The following PHF3 variants were observed in gnomAD, a reference collection of about 807,000 sequenced individuals.
The protein encoded by PHF3 is PHD finger protein 3.
Under a neutral mutation model 178.4 loss-of-function variants are expected in PHF3, and 41 were observed. The ratio of observed to expected loss-of-function variants is 0.23; its 90% CI spans 0.18 to 0.30. PHF3 has a LOEUF of 0.30. PHF3 is among the 10% of genes least tolerant of loss of function. The pLI is 1.00. For synonymous variants in PHF3, 842 were observed against 800.5 expected, an observed-to-expected ratio of 1.05 and a Z score of -0.88; for missense variants, 2,346 against 2,398.1, an observed-to-expected ratio of 0.98 and a Z score of 0.45.
intron 1 of PHF3, among the ~76,000 whole-genome samples, chr6:63,637,589 C>T (rs1764397311): frequency 6.6e-6 from 1 of 152,096 alleles, no homozygotes; most frequent in Non-Finnish European, 1.5e-5. Flanking sequence ...TAATTTTTCT[C>T]TTCATTCATC....
intron 2 of PHF3, among the ~76,000 whole-genome samples, chr6:63,651,803 G>C (rs1249229484): frequency 6.6e-6 from 1 of 152,116 alleles, no homozygotes; most frequent in Non-Finnish European, 1.5e-5. Flanking sequence ...AGAGCATGCG[G>C]TATTTATATT....
At chr6:63,643,634 A>C (rs2149536845) in intron 1 of PHF3, among the ~76,000 whole-genome samples, 1 of 152,306 alleles carries the variant, frequency 6.6e-6, no homozygotes, top group East Asian at 1.9e-4. Flanking sequence ...TTGATGAATA[A>C]ATAAACGGTA....
intron 1 of PHF3, among the ~76,000 whole-genome samples, chr6:63,640,316 A>G (rs1250649662): frequency 2.0e-5 from 3 of 152,178 alleles, no homozygotes; most frequent in African/African-American, 7.2e-5. Flanking sequence ...GTGTTGTTAT[A>G]TCATAGTAGT....
intron 5 of PHF3, among the ~76,000 whole-genome samples, chr6:63,692,521 A>G (rs1197723585): frequency 1.3e-5 from 2 of 152,220 alleles, no homozygotes; most frequent in East Asian, 1.9e-4. Flanking sequence ...ATTTTATCTG[A>G]TTAAATTTTC....
chr6:63,722,734 C>T lies in PHF3; in HGVS notation c.*9026C>T, dbSNP rs1768452646. Among the ~76,000 whole-genome samples the T allele has an allele frequency of 6.6e-6, 1 of 152,176 alleles. No individual in the cohort carries two copies. Among genetic ancestry groups the T allele is most frequent in the African/African-American group, 2.4e-5 (1 of 41,446 alleles). ...GCATTATGCTACACTACTTCTTCCT[C>T]CCTCCAGAGTGCCTATTTCCACACC... On this transcript the variant is annotated 3_prime_UTR_variant, in exon 16 of 16. Transcript: ENST00000262043.
At chr6:63,636,260 C>G (rs1486005180) in intron 1 of PHF3, 110 bp downstream of exon 1, 4 of 279,830 alleles carry the variant, frequency 1.4e-5, no homozygotes, top group African/African-American at 8.7e-5. Flanking sequence ...CCGCGGCGGA[C>G]TCTCCGCGCT....
In PHF3 at chr6:63,684,286, A is replaced by G; in HGVS notation, c.564A>G (p.Ser188=). ...AGGTTAAAGAAGAAGTATGTATGTC[A>G]CTGAAACCTGAGTACCATAAGGAGA... is the stretch of plus-strand genomic sequence containing the variant. ...RSQVKEEVCM[S]LKPEYHKENR... Residue 188 remains serine (S), a synonymous_variant, in exon 4 of 16, where the codon TCA becomes TCG. Coordinates refer to ENST00000262043, the MANE Select transcript of PHF3 (RefSeq NM_001370348.2). 3 of 1,614,036 alleles carry G rather than the reference A, an allele frequency of 1.9e-6. No individual in the cohort carries two copies. The highest frequency in any genetic ancestry group is 2.5e-6 in the Non-Finnish European group (3 of 1,179,902).
Position 63,635,999 on chromosome 6 carries a change from G to C in PHF3, c.-177G>C. The C allele has an allele frequency of 2.5e-6, 1 of 397,872 alleles. No individual in the cohort carries two copies. The highest frequency in any genetic ancestry group is 4.4e-6 in the Non-Finnish European group (1 of 225,552). The allele number at this position is 397,872 out of a possible 1,614,324, so 24.6% of individuals were successfully genotyped here. ...CGTCAGCAGCAGCCATTTGGTCCCA[G>C]GAGGAAAAGAGGCTGTGGCAGCGAC... On this transcript the variant is annotated 5_prime_UTR_variant, in exon 1 of 16. Coordinates refer to ENST00000262043, the MANE Select transcript of PHF3 (RefSeq NM_001370348.2).
Position 63,721,941 on chromosome 6 carries a change from C to T in PHF3, c.*8233C>T. On this transcript the variant is annotated 3_prime_UTR_variant, in exon 16 of 16. Transcript: ENST00000262043. ...GAGCACAATTGTGTTAGTTTTGTTT[C>T]CACTCACAGAGCAAAATGCATATAT... 1 of 738,064 alleles carries T rather than the reference C, an allele frequency of 1.4e-6. No individual in the cohort carries two copies. The highest frequency in any genetic ancestry group is 2.7e-5 in the East Asian group (1 of 37,080). 45.7% of individuals were successfully genotyped at this position (738,064 alleles called of 1,614,324 possible).
chr6:63,654,918 G>T (rs1765169864), intron 2 of PHF3, among the ~76,000 whole-genome samples: 1 of 146,108 alleles, frequency 6.8e-6, no homozygotes, highest in Non-Finnish European at 1.5e-5. Flanking sequence ...TTCGAGATGG[G>T]GCTCTCACTG....
In PHF3 at chr6:63,706,082, G is replaced by T. The variant is rs757700906; in HGVS notation, c.3421G>T (p.Val1141Leu). ...TTCTCCAAAAAAAGTAAAAGTTGTT[G>T]TAGGAGTAGCTCGCAAACATTCAGA... Reference protein sequence around the residue: ...DLSPKKVKVVVGVARKHSDNE... With the variant: ...DLSPKKVKVVLGVARKHSDNE... Residue 1141 changes from valine (V) to leucine (L), a missense_variant, in exon 12 of 16, where the codon GTA becomes TTA. Physicochemically the swap from Val to Leu is conservative, Grantham distance 32 (BLOSUM62 1). Around this residue, in one of 8 missense-constraint regions of PHF3, gnomAD observed 205 missense variants for 212.4 expected, o/e 0.97. Transcript: ENST00000262043. 8.7e-6 allele frequency: 14 copies of T among 1,613,704 alleles called. No individual in the cohort carries two copies. Among genetic ancestry groups the T allele is most frequent in the Non-Finnish European group, 1.1e-5 (13 of 1,179,906 alleles).
intron 7 of PHF3, 34 bp downstream of exon 7, chr6:63,698,401 A>C (rs1436926344): frequency 1.9e-6 from 3 of 1,587,818 alleles, no homozygotes; most frequent in South Asian, 2.3e-5. Flanking sequence ...AGTATCAATA[A>C]TTATGCTTTA....
intron 2 of PHF3, among the ~76,000 whole-genome samples, chr6:63,651,506 G>A (rs1765018771): frequency 6.6e-6 from 1 of 151,860 alleles, no homozygotes; most frequent in African/African-American, 2.4e-5. Context: ...GGATTACAGG[G>A]GCCTGCCACC....
rs753791596 is a variant in PHF3 at position 63,680,080 on chromosome 6, T to A, written c.325T>A (p.Leu109Ile). 3.7e-6 allele frequency: 6 copies of A among 1,612,900 alleles called. No individual in the cohort carries two copies. Among genetic ancestry groups the A allele is most frequent in the African/African-American group, 1.3e-5 (1 of 74,866 alleles). ...NDTIDEEELI[L>I]PNRNLRDKVE... ...TACCATTGATGAAGAAGAACTGATT[T>A]TACCTAACAGGAACTTAAGGGACAA... Residue 109 changes from leucine (L) to isoleucine (I), a missense_variant, in exon 3 of 16, where the codon TTA becomes ATA. Physicochemically the swap from Leu to Ile is conservative, Grantham distance 5 (BLOSUM62 2). Around this residue, in one of 8 missense-constraint regions of PHF3, gnomAD observed 843 missense variants for 795.2 expected, o/e 1.06. Coordinates refer to ENST00000262043, the MANE Select transcript of PHF3 (RefSeq NM_001370348.2).
At chr6:63,683,323 G>A (rs1045616534) in intron 3 of PHF3, among the ~76,000 whole-genome samples, 3 of 151,668 alleles carry the variant, frequency 2.0e-5, no homozygotes, top group African/African-American at 4.8e-5. Context: ...GAATTATTTA[G>A]CTCTCTTTCT....
At chr6:63,677,161 C>T (rs961669287) in intron 2 of PHF3, among the ~76,000 whole-genome samples, 40 of 152,132 alleles carry the variant, frequency 2.6e-4, no homozygotes, top group African/African-American at 9.7e-4. Context: ...TCAGATTACA[C>T]TCTTCTGAAG....
At position 63,721,864 on chromosome 6, in the gene PHF3, T is replaced by G. The variant is rs1346315086; in HGVS notation, c.*8156T>G. Reference sequence around the variant, plus strand: ...AGTTTCCATTGAAAACTTTTGCTGTTTCTGGCCAAGTTGGATAAGTTTTAG... The same window carrying G: ...AGTTTCCATTGAAAACTTTTGCTGTGTCTGGCCAAGTTGGATAAGTTTTAG... On this transcript the variant is annotated 3_prime_UTR_variant, in exon 16 of 16. Coordinates refer to ENST00000262043, the MANE Select transcript of PHF3 (RefSeq NM_001370348.2). The G allele has an allele frequency of 1.4e-6, 2 of 1,430,800 alleles. No individual in the cohort carries two copies. The highest frequency in any genetic ancestry group is 5.0e-5 in the East Asian group (2 of 40,184). The allele number at this position is 1,430,800 out of a possible 1,614,324, so 88.6% of individuals were successfully genotyped here. A position where few individuals can be genotyped will look rare whatever the true frequency, so the allele number is the denominator to read the frequency against.
At position 63,646,863 on chromosome 6, in the gene PHF3, CTTTTTCT is replaced by C. The variant is rs1250342077; in HGVS notation, c.244+81_244+87del. ...TTTAAAATAAAAAAATTTTCAGCAG[CTTTTTCT>C]TTTTTCTTTTTTTCTTTTTTTTTTT... On this transcript the variant is annotated intron_variant, in intron 2 of 15. Transcript: ENST00000262043. 7 of 1,064,276 alleles carry C rather than the reference CTTTTTCT, an allele frequency of 6.6e-6. No homozygotes were observed. The South Asian group carries it at 1.1e-4, about 16-fold the overall frequency. 65.9% of individuals were successfully genotyped at this position (1,064,276 alleles called of 1,614,324 possible). A position where few individuals can be genotyped will look rare whatever the true frequency, so the allele number is the denominator to read the frequency against.
At position 63,713,825 on chromosome 6, in the gene PHF3, A is replaced by G. The variant is rs1768085146; in HGVS notation, c.*117A>G. On this transcript the variant is annotated 3_prime_UTR_variant, in exon 16 of 16. Transcript: ENST00000262043. ...ATCTTTAAAATTTTTACTATTGGTC[A>G]TTTGCAGAACAGTAAATTCTGTGTG... is the stretch of plus-strand genomic sequence containing the variant. 5 of 819,742 alleles carry G rather than the reference A, an allele frequency of 6.1e-6. No homozygotes were observed. Among genetic ancestry groups the G allele is most frequent in the Middle Eastern group, 5.1e-4 (2 of 3,916 alleles). The allele number at this position is 819,742 out of a possible 1,614,324, so 50.8% of individuals were successfully genotyped here.
Sources: gnomAD v4.1 joint callset for allele counts (sites outside exome capture counted in the v4.1 genomes callset) on GRCh38, gnomAD v4.1.1 for gene constraint, gnomAD v4.1.1 regional missense constraint, MANE v1.5 for transcripts, NCBI Gene and HGNC (gene_info 2026-07-23, HGNC 2026-07-21) for gene names.